Variants in SLC30A9 observed in about 807,000 individuals in gnomAD.
SLC30A9 encodes solute carrier family 30 member 9.
A neutral mutation model predicts 87.5 loss-of-function variants in SLC30A9; 58 were observed. The observed-to-expected ratio is 0.66, with a 90% CI of 0.54 to 0.82. The LOEUF (loss-of-function observed/expected upper bound fraction) is 0.82, where lower values mean the gene tolerates loss of function less well. Among genes scored for constraint, SLC30A9 ranks in the 40% least tolerant of loss-of-function variants. The pLI, the probability that SLC30A9 is intolerant of heterozygous loss-of-function variation, is 0.00. For missense variants in SLC30A9, 557 were observed against 679.1 expected (o/e 0.82, Z 2.00); for synonymous variants, 234 against 233.0 (o/e 1.00, Z -0.04).
At chr4:42,015,081 A>G (rs1715656481) in intron 2 of SLC30A9, among the ~76,000 whole-genome samples, 1 of 152,208 alleles carries the variant, frequency 6.6e-6, no homozygotes, top group Non-Finnish European at 1.5e-5. Flanking sequence ...AACACAAACG[A>G]TAAATATTTG....
Position 42,006,809 on chromosome 4 carries a change from C to T in SLC30A9, c.274+5029C>T, listed in dbSNP as rs543889416. ...TTGGTAGTGTTGAAAGTACAAGAGA[C>T]GGTGATCCAGCTTCCATATTCCTTT... On this transcript the variant is annotated intron_variant, in intron 2 of 17. Transcript: ENST00000264451. 5.9e-5 allele frequency among the ~76,000 whole-genome samples: 9 copies of T among 151,976 alleles called. No homozygotes were observed. In the South Asian group the frequency reaches 1.2e-3, roughly 21 times the overall value.
At chr4:42,066,720 T>G in intron 13 of SLC30A9, 99 bp downstream of exon 13, 1 of 694,658 alleles carries the variant, frequency 1.4e-6, no homozygotes, top group Non-Finnish European at 2.4e-6. Flanking sequence ...ATGTACAAAA[T>G]ATATCTGAAT....
chr4:42,087,991 A>C lies in SLC30A9; in HGVS notation c.*1865A>C. On this transcript the variant is annotated 3_prime_UTR_variant, in exon 18 of 18. Coordinates refer to ENST00000264451, the MANE Select transcript of SLC30A9 (RefSeq NM_006345.4). The stretch of plus-strand genomic sequence containing the variant: ...TGTGCAGCAGGTATTCCAAATGGTA[A>C]TTTTTTTTTTTTAGGATTCCCTAAT... 1 of 146,298 alleles carries C rather than the reference A, an allele frequency of 6.8e-6. No individual in the cohort carries two copies. Among genetic ancestry groups the C allele is most frequent in the African/African-American group, 2.5e-5 (1 of 39,852 alleles). The allele number at this position is 146,298 out of a possible 1,614,324, so 9.1% of individuals were successfully genotyped here. A position where few individuals can be genotyped will look rare whatever the true frequency, so the allele number is the denominator to read the frequency against.
chr4:42,058,006 G>T (rs1165436248), intron 9 of SLC30A9, among the ~76,000 whole-genome samples: 2 of 151,188 alleles, frequency 1.3e-5, no homozygotes, highest in Non-Finnish European at 2.9e-5. Context: ...GGAGGCTGAG[G>T]CAGGATAATC....
At chr4:42,015,374 A>G (rs1350133591) in intron 2 of SLC30A9, among the ~76,000 whole-genome samples, 1 of 152,202 alleles carries the variant, frequency 6.6e-6, no homozygotes, top group Non-Finnish European at 1.5e-5. Context: ...GACGGCAGGA[A>G]AAGCGAAATA....
At chr4:42,057,293 A>G (rs1717661771) in intron 9 of SLC30A9, among the ~76,000 whole-genome samples, 1 of 152,156 alleles carries the variant, frequency 6.6e-6, no homozygotes, top group African/African-American at 2.4e-5. Flanking sequence ...GAGGTTGTCC[A>G]TGAGAGCCCC....
chr4:41,992,106 A>G (rs1240527150), intron 1 of SLC30A9, among the ~76,000 whole-genome samples: 1 of 152,068 alleles, frequency 6.6e-6, no homozygotes, highest in Admixed American at 6.5e-5. Flanking sequence ...AAACCTTAGG[A>G]CGCTGAGGTG....
chr4:41,991,017 G>T lies in SLC30A9; in HGVS notation c.109+257G>T, dbSNP rs11939714. ...ACCTCGCGGGCCGGATTGCACCTCT[G>T]AAGCCTACCGCTTTGTACCAAACAA... On this transcript the variant is annotated intron_variant, in intron 1 of 17. Transcript: ENST00000264451. Among the ~76,000 whole-genome samples, 646 of 152,360 alleles carry T rather than the reference G, an allele frequency of 4.2e-3. 5 individuals carry two copies. Among genetic ancestry groups the T allele is most frequent in the African/African-American group, 0.014 (603 of 41,588 alleles).
At chr4:42,035,232 G>A (rs777712293) in intron 6 of SLC30A9, 43 bp from the exon 7 acceptor site, 1 of 1,555,264 alleles carries the variant, frequency 6.4e-7, no homozygotes, top group Admixed American at 1.7e-5. Context: ...ACTGTGACTG[G>A]TAAGAATATC....
At chr4:42,024,873 G>A (rs1355094643) in intron 6 of SLC30A9, among the ~76,000 whole-genome samples, 3 of 151,974 alleles carry the variant, frequency 2.0e-5, no homozygotes, top group Admixed American at 6.6e-5. Flanking sequence ...TATATGTTTT[G>A]TTCACTTTTC....
chr4:41,993,095 G>A (rs1714525860), intron 1 of SLC30A9, among the ~76,000 whole-genome samples: 2 of 151,186 alleles, frequency 1.3e-5, no homozygotes, highest in South Asian at 4.2e-4. Context: ...TTGTCTGATA[G>A]CCACATTAAA....
chr4:42,056,511 G>C (rs923788017), intron 9 of SLC30A9, among the ~76,000 whole-genome samples: 1 of 152,102 alleles, frequency 6.6e-6, no homozygotes, highest in Admixed American at 6.5e-5. Flanking sequence ...AACAGCCGAG[G>C]AAAGACTTGC....
intron 8 of SLC30A9, among the ~76,000 whole-genome samples, chr4:42,044,965 G>A (rs1396961476): frequency 6.6e-6 from 1 of 152,062 alleles, no homozygotes; most frequent in Non-Finnish European, 1.5e-5. Context: ...GTGACTACTG[G>A]GTAAATAACT....
intron 1 of SLC30A9, among the ~76,000 whole-genome samples, chr4:41,996,106 T>C (rs904864141): frequency 7.2e-5 from 11 of 151,744 alleles, no homozygotes; most frequent in African/African-American, 1.9e-4. Context: ...TTTTTTGTGG[T>C]TTTTTTTGAG....
At chr4:42,022,087 C>T (rs1316409968) in intron 4 of SLC30A9, among the ~76,000 whole-genome samples, 1 of 75,484 alleles carries the variant, frequency 1.3e-5, no homozygotes. Context: ...AGGCGCCCGC[C>T]ACCACGCCCG....
At chr4:42,080,111 A>G (rs1202602726) in intron 17 of SLC30A9, among the ~76,000 whole-genome samples, 1 of 152,190 alleles carries the variant, frequency 6.6e-6, no homozygotes, top group Non-Finnish European at 1.5e-5. Flanking sequence ...AACTGTTCCT[A>G]TAGCCTTTTG....
intron 1 of SLC30A9, among the ~76,000 whole-genome samples, chr4:41,992,976 A>T (rs2087092941): frequency 6.6e-6 from 1 of 152,134 alleles, no homozygotes; most frequent in Admixed American, 6.5e-5. Context: ...GCATAAGGAG[A>T]GGAGGAAACC....
intron 9 of SLC30A9, among the ~76,000 whole-genome samples, chr4:42,051,416 A>G (rs1285751259): frequency 1.3e-5 from 2 of 152,200 alleles, no homozygotes; most frequent in African/African-American, 4.8e-5. Context: ...GGAAAATTTG[A>G]CTCATAACCA....
intron 2 of SLC30A9, 70 bp from the exon 3 acceptor site, chr4:42,018,041 A>C (rs1000560058): frequency 7.3e-6 from 6 of 825,280 alleles, no homozygotes; most frequent in Non-Finnish European, 1.2e-5. Context: ...TACATTGGCT[A>C]ATATTAATTA....
Sources: gnomAD v4.1 joint callset for allele counts (sites outside exome capture counted in the v4.1 genomes callset) on GRCh38, gnomAD v4.1.1 for gene constraint, MANE v1.5 for transcripts, NCBI Gene and HGNC (gene_info 2026-07-23, HGNC 2026-07-21) for gene names.